MTHFD2L: variants seen among roughly 807,000 people sequenced by gnomAD.
MTHFD2L encodes the protein bifunctional methylenetetrahydrofolate dehydrogenase/cyclohydrolase 2, mitochondrial.
In MTHFD2L, 29 loss-of-function variants were observed where a neutral mutation model predicts 34.9. The ratio of observed to expected loss-of-function variants is 0.83; its 90% CI spans 0.62 to 1.13. The LOEUF is 1.13. Among genes scored for constraint, MTHFD2L ranks in the 50% most tolerant of loss-of-function variants. The pLI is 0.00. For missense variants in MTHFD2L, 481 were observed against 446.5 expected (o/e 1.08, Z -0.70); for synonymous variants, 167 against 155.7 (o/e 1.07, Z -0.54).
upstream of MTHFD2L, among the ~76,000 whole-genome samples, chr4:74,124,522 TAGTC>T (rs954760499): frequency 2.8e-4 from 43 of 151,824 alleles, no homozygotes; most frequent in South Asian, 6.2e-4. Context: ...ACATTCAAAA[TAGTC>T]AGTGAGAATC....
chr4:74,186,820 C>T (rs1176388975), intron 3 of MTHFD2L, among the ~76,000 whole-genome samples: 4 of 152,016 alleles, frequency 2.6e-5, no homozygotes, highest in African/African-American at 7.2e-5. Flanking sequence ...GAATAAAATT[C>T]ATATGGAACT....
intron 1 of MTHFD2L, among the ~76,000 whole-genome samples, chr4:74,163,577 AAGATGTG>A (rs2109907053): frequency 6.6e-6 from 1 of 152,372 alleles, no homozygotes; most frequent in East Asian, 1.9e-4. Context: ...AAATTACTTC[AAGATGTG>A]AATAGGGTAC....
upstream of MTHFD2L, among the ~76,000 whole-genome samples, chr4:74,120,752 CTT>C (rs1370844128): frequency 6.6e-6 from 1 of 152,206 alleles, no homozygotes; most frequent in Non-Finnish European, 1.5e-5. Context: ...ACAGTCTTCT[CTT>C]ATATACATAA....
chr4:74,195,813 C>G (rs144993942), intron 3 of MTHFD2L: 1 of 154,774 alleles, frequency 6.5e-6, no homozygotes, highest in Non-Finnish European at 1.4e-5. Context: ...CAACTTGAAG[C>G]AGGGGAGGAG....
chr4:74,300,061 T>C (rs1016435787), intron 7 of MTHFD2L, among the ~76,000 whole-genome samples: 1 of 152,054 alleles, frequency 6.6e-6, no homozygotes, highest in Non-Finnish European at 1.5e-5. Context: ...TAGCTGTTTA[T>C]TGAATGGCTA....
intron 1 of MTHFD2L, among the ~76,000 whole-genome samples, chr4:74,131,334 A>G (rs1722480348): frequency 6.6e-6 from 1 of 152,210 alleles, no homozygotes; most frequent in Admixed American, 6.5e-5. Context: ...ACTTCAAACT[A>G]TATTACAAGT....
At chr4:74,183,878 G>A (rs570870546) in intron 3 of MTHFD2L, 3 of 152,182 alleles carry the variant, frequency 2.0e-5, no homozygotes, top group East Asian at 1.9e-4. Context: ...CAAAAACAAT[G>A]TAGTTTGTGG....
upstream of MTHFD2L, chr4:74,157,625 T>G: frequency 2.2e-6 from 1 of 456,416 alleles, no homozygotes; most frequent in South Asian, 1.5e-5. Context: ...CAGGTTTTGC[T>G]CCTTCTCCAC....
chr4:74,261,916 A>G lies in MTHFD2L; in HGVS notation c.806-19509A>G, dbSNP rs116529138. Among the ~76,000 whole-genome samples, 640 of 152,172 alleles carry G rather than the reference A, an allele frequency of 4.2e-3. 4 individuals carry two copies. Among genetic ancestry groups the G allele is most frequent in the Non-Finnish European group, 4.0e-3 (273 of 67,900 alleles). Reference sequence around the variant, plus strand: ...TATTGTTCTAAGGTCAAATAGAGATAATACGTGTAAAGCACTTAGAACGCT... The same window carrying G: ...TATTGTTCTAAGGTCAAATAGAGATGATACGTGTAAAGCACTTAGAACGCT... On this transcript the variant is annotated intron_variant, in intron 6 of 7. Coordinates refer to ENST00000325278, the MANE Select transcript of MTHFD2L (RefSeq NM_001144978.3).
chr4:74,119,700 G>A (rs750806008), upstream of MTHFD2L, among the ~76,000 whole-genome samples: 47 of 152,098 alleles, frequency 3.1e-4, no homozygotes, highest in Non-Finnish European at 5.7e-4. Flanking sequence ...GGAGAATGGC[G>A]TGAACCTGAG....
rs1449413585 is a variant in MTHFD2L, at chr4:74,145,394, A to G, written c.-296-14661A>G. Among the ~76,000 whole-genome samples, 3 of 152,212 alleles carry G rather than the reference A, an allele frequency of 2.0e-5. No homozygotes were observed. The East Asian group carries it at 5.8e-4, about 29-fold the overall frequency. ...CTATGCAAATACTTCACCATTTTAT[A>G]TAAAAAGACTTTAGTATCCTTGAGA... is the stretch of plus-strand genomic sequence containing the variant. On this transcript the variant is annotated intron_variant, in intron 1 of 7. Transcript: ENST00000433372.
intron 6 of MTHFD2L, among the ~76,000 whole-genome samples, chr4:74,229,692 A>T (rs1342138936): frequency 6.6e-6 from 1 of 152,158 alleles, no homozygotes; most frequent in African/African-American, 2.4e-5. Context: ...CTACTGGCTT[A>T]TATATCACTC....
rs1043622345 is a variant in MTHFD2L at position 74,160,382 on chromosome 4, A to G, written c.143+2101A>G. 1.6e-5 allele frequency: 3 copies of G among 185,228 alleles called. No homozygotes were observed. In the Admixed American group the frequency reaches 1.7e-4, roughly 11 times the overall value. 11.5% of individuals were successfully genotyped at this position (185,228 alleles called of 1,614,324 possible). A position where few individuals can be genotyped will look rare whatever the true frequency, so the allele number is the denominator to read the frequency against. ...TTGATTATTTTTTCACATTTTGGCCACATGCCTATAATAATGGAATATTTA... is the reference window on the plus strand; with the variant it reads ...TTGATTATTTTTTCACATTTTGGCCGCATGCCTATAATAATGGAATATTTA... On this transcript the variant is annotated intron_variant, in intron 1 of 7. Coordinates refer to ENST00000325278, the MANE Select transcript of MTHFD2L (RefSeq NM_001144978.3).
chr4:74,183,001 A>G (rs1730475717), intron 3 of MTHFD2L: 1 of 152,302 alleles, frequency 6.6e-6, no homozygotes, highest in Admixed American at 6.5e-5. Flanking sequence ...TCACAGATCA[A>G]AGAAGCTCAC....
At chr4:74,266,872 A>C in intron 6 of MTHFD2L, 1 of 985,356 alleles carries the variant, frequency 1.0e-6, no homozygotes, top group African/African-American at 1.7e-5. Context: ...GATTGTAAAA[A>C]AGTAATTTGT....
chr4:74,269,039 A>G (rs890024751), intron 6 of MTHFD2L, among the ~76,000 whole-genome samples: 2 of 152,044 alleles, frequency 1.3e-5, no homozygotes, highest in Non-Finnish European at 2.9e-5. Flanking sequence ...TAAGCTTTAA[A>G]GTAGTGTGAA....
intron 1 of MTHFD2L, among the ~76,000 whole-genome samples, chr4:74,150,150 T>C (rs752184062): frequency 2.0e-5 from 3 of 152,144 alleles, no homozygotes; most frequent in Non-Finnish European, 4.4e-5. Flanking sequence ...GGAGATGGAT[T>C]CTCCTTAGAG....
chr4:74,190,053 A>T (rs1732192898), intron 3 of MTHFD2L, among the ~76,000 whole-genome samples: 1 of 152,204 alleles, frequency 6.6e-6, no homozygotes, highest in Admixed American at 6.5e-5. Flanking sequence ...AATAGTCAGA[A>T]AGCAATTTGA....
In MTHFD2L at chr4:74,174,656, T is replaced by C; in HGVS notation, c.294T>C (p.Tyr98=). ...GAGATAACCCAGCAAGCCATACATA[T>C]GTCAGGAATAAGATAAGAGCTGCCT... The part of the protein sequence containing the change: ...LVGDNPASHT[Y]VRNKIRAASA... Residue 98 remains tyrosine, a synonymous_variant, in exon 2 of 8, where the codon TAT becomes TAC. Coordinates refer to ENST00000325278, the MANE Select transcript of MTHFD2L (RefSeq NM_001144978.3). 6.3e-7 allele frequency: 1 copy of C among 1,576,614 alleles called. No individual in the cohort carries two copies. The highest frequency in any genetic ancestry group is 8.6e-7 in the Non-Finnish European group (1 of 1,164,082).
Sources: allele counts gnomAD v4.1 joint callset (sites outside exome capture counted in the v4.1 genomes callset), GRCh38; gene constraint gnomAD v4.1.1; transcripts MANE v1.5; gene names NCBI Gene and HGNC (gene_info 2026-07-23, HGNC 2026-07-21).